Variants in DIP2C observed in about 807,000 individuals in gnomAD.
DIP2C encodes the protein DIP2 acetate--CoA ligase C (putative).
A neutral mutation model predicts 192.4 loss-of-function variants in DIP2C; 33 were observed. The observed-to-expected ratio is 0.17, with a 90% CI of 0.13 to 0.23. The LOEUF (loss-of-function observed/expected upper bound fraction) is 0.23, where lower values mean the gene tolerates loss of function less well. Ranked by LOEUF, DIP2C falls within the 10% of genes least tolerant of loss-of-function variation. DIP2C has a pLI of 1.00. For missense variants in DIP2C, 1,537 were observed against 2,110.1 expected (o/e 0.73, Z 5.32); for synonymous variants, 979 against 864.1 (o/e 1.13, Z -2.33).
chr10:684,201 C>T (rs1274720784), intron 1 of DIP2C, among the ~76,000 whole-genome samples: 1 of 152,258 alleles, frequency 6.6e-6, no homozygotes, highest in African/African-American at 2.4e-5. Context: ...AAAGCCCACA[C>T]ATATCAGTGC....
At chr10:458,425 T>C (rs1042102517) in intron 3 of DIP2C, among the ~76,000 whole-genome samples, 28 of 152,246 alleles carry the variant, frequency 1.8e-4, no homozygotes, top group African/African-American at 5.8e-4. Flanking sequence ...ACCCCCATGA[T>C]GGCAGATGAC....
At chr10:584,620 G>A (rs58122599) in intron 1 of DIP2C, among the ~76,000 whole-genome samples, 23 of 74,658 alleles carry the variant, frequency 3.1e-4, no homozygotes, top group South Asian at 6.1e-4. Context: ...CGGGGCCCGC[G>A]ACCTGACCCC....
At chr10:325,395 T>C (rs1432517499) in intron 31 of DIP2C, among the ~76,000 whole-genome samples, 1 of 152,252 alleles carries the variant, frequency 6.6e-6, no homozygotes, top group Non-Finnish European at 1.5e-5. Context: ...CTCTGTCACC[T>C]GCTGGAGGGC....
At chr10:595,251 G>A (rs1329463373) in intron 1 of DIP2C, among the ~76,000 whole-genome samples, 6 of 152,138 alleles carry the variant, frequency 3.9e-5, no homozygotes, top group Non-Finnish European at 2.9e-5. Context: ...CCTGTGACTC[G>A]TGGGCCATGA....
intron 1 of DIP2C, among the ~76,000 whole-genome samples, chr10:532,930 G>A (rs890458139): frequency 1.3e-5 from 2 of 152,198 alleles, no homozygotes; most frequent in East Asian, 1.9e-4. Context: ...AGCTGGGACC[G>A]CACGTGCACA....
rs529328528 is a variant in DIP2C, at chr10:632,242, G to A, written c.85+57252C>T. 1.0e-3 allele frequency among the ~76,000 whole-genome samples: 155 copies of A among 152,378 alleles called. 1 individual carries two copies. Among genetic ancestry groups the A allele is most frequent in the Non-Finnish European group, 2.8e-4 (19 of 68,044 alleles). ...GTGGCCCAGTATAGGTCAAGGTGTG[G>A]GAGGACAGGGAGGCGATGAAATGAT... is the stretch of plus-strand genomic sequence containing the variant. On this transcript the variant is annotated intron_variant, in intron 1 of 36. Coordinates refer to ENST00000280886, the MANE Select transcript of DIP2C (RefSeq NM_014974.3).
At chr10:471,617 G>A (rs537994012) in intron 3 of DIP2C, among the ~76,000 whole-genome samples, 3 of 152,272 alleles carry the variant, frequency 2.0e-5, no homozygotes, top group African/African-American at 4.8e-5. Flanking sequence ...CATCACCAGC[G>A]ATCGCCCCTA....
chr10:597,574 T>C (rs1851789544), intron 1 of DIP2C, among the ~76,000 whole-genome samples: 1 of 152,220 alleles, frequency 6.6e-6, no homozygotes, highest in Admixed American at 6.5e-5. Context: ...GCTGTCACTA[T>C]GCAAAGAATC....
At chr10:324,983 G>A (rs752129624) in intron 31 of DIP2C, 4 of 530,824 alleles carry the variant, frequency 7.5e-6, no homozygotes, top group Admixed American at 5.8e-5. Flanking sequence ...AAACATTTTG[G>A]GGCTGGGCGT....
chr10:377,141 G>GT (rs5782549), intron 17 of DIP2C, among the ~76,000 whole-genome samples: 72,408 of 138,488 alleles, frequency 0.52, 18,805 homozygotes, highest in East Asian at 0.76. Context: ...GTGCAGCGCA[G>GT]TTTTTTTTTT....
intron 1 of DIP2C, among the ~76,000 whole-genome samples, chr10:591,897 A>T (rs1216330607): frequency 6.6e-6 from 1 of 152,214 alleles, no homozygotes; most frequent in Admixed American, 6.5e-5. Flanking sequence ...GAATGAGGCG[A>T]CCAGGAAATC....
At chr10:458,450 G>C (rs1025461960) in intron 3 of DIP2C, among the ~76,000 whole-genome samples, 2 of 152,228 alleles carry the variant, frequency 1.3e-5, no homozygotes, top group African/African-American at 4.8e-5. Context: ...TGACAGCAAG[G>C]AGGATGCCCT....
At chr10:480,415 A>T (rs1249141820) in intron 2 of DIP2C, among the ~76,000 whole-genome samples, 1 of 150,988 alleles carries the variant, frequency 6.6e-6, no homozygotes, top group Non-Finnish European at 1.5e-5. Context: ...GCCCCAGTCC[A>T]CGCTCACTGG....
intron 1 of DIP2C, among the ~76,000 whole-genome samples, chr10:510,167 C>T (rs1845913806): frequency 6.6e-6 from 1 of 152,236 alleles, no homozygotes. Context: ...CCTTCTAGGT[C>T]CTGGGGGCTA....
chr10:437,506 G>A (rs1967363975), intron 4 of DIP2C: 1 of 152,364 alleles, frequency 6.6e-6, no homozygotes, highest in South Asian at 2.1e-4. Flanking sequence ...GTCTGCAGGT[G>A]TTCTCCAGGC....
chr10:657,996 A>ATG (rs1856495091), intron 1 of DIP2C, among the ~76,000 whole-genome samples: 12 of 48,600 alleles, frequency 2.5e-4, no homozygotes, highest in Admixed American at 4.3e-4. Context: ...TGGACCTGCC[A>ATG]CTGGACCTGA....
At chr10:378,556 CGTGAACACAAACATGCAGACAT>C (rs1293184968) in intron 17 of DIP2C, among the ~76,000 whole-genome samples, 46 of 151,700 alleles carry the variant, frequency 3.0e-4, no homozygotes, top group Admixed American at 2.8e-3. Context: ...CATGCAGACA[CGTGAACACAAACATGCAGACAT>C]GTGAACGCAG....
chr10:440,912 G>T lies in DIP2C; in HGVS notation c.353C>A (p.Ser118Tyr), dbSNP rs1255983959. 1 of 1,613,798 alleles carries T rather than the reference G, an allele frequency of 6.2e-7. No individual in the cohort carries two copies. Among genetic ancestry groups the T allele is most frequent in the Admixed American group, 1.7e-5 (1 of 60,028 alleles). ...MAVPMPSKRR[S>Y]LVVQTSMDAY... ...GTCCATCGAGGTCTGCACGACCAGG[G>T]ACCTGCGTTTGGAAGGCATAGGCAC... Residue 118 changes from serine to tyrosine, a missense_variant, in exon 4 of 37, where the codon TCC (serine) becomes TAC (tyrosine). Around this residue, in one of 4 missense-constraint regions of DIP2C, gnomAD observed 473 missense variants for 539.6 expected, o/e 0.88. Coordinates refer to ENST00000280886, the MANE Select transcript of DIP2C (RefSeq NM_014974.3).
chr10:544,816 T>G (rs959385473), intron 1 of DIP2C, among the ~76,000 whole-genome samples: 2 of 152,246 alleles, frequency 1.3e-5, no homozygotes, highest in African/African-American at 4.8e-5. Context: ...AAAGATATTC[T>G]TGATATCAGG....
Sources: gnomAD v4.1 joint callset for allele counts (sites outside exome capture counted in the v4.1 genomes callset) on GRCh38, gnomAD v4.1.1 for gene constraint, gnomAD v4.1.1 regional missense constraint, MANE v1.5 for transcripts, NCBI Gene and HGNC (gene_info 2026-07-23, HGNC 2026-07-21) for gene names.